The following TBC1D5 variants were observed in gnomAD, a reference collection of about 807,000 sequenced individuals.
The protein encoded by TBC1D5 is TBC1 domain family, member 5.
Under a neutral mutation model 100.3 loss-of-function variants are expected in TBC1D5, and 75 were observed. The observed-to-expected ratio is 0.75, with a 90% CI of 0.62 to 0.91. The LOEUF (loss-of-function observed/expected upper bound fraction) is 0.91, where lower values mean the gene tolerates loss of function less well. Ranked by LOEUF, TBC1D5 falls within the 40% of genes least tolerant of loss-of-function variation. TBC1D5 has a pLI of 0.00. For missense variants in TBC1D5, 910 were observed against 942.4 expected (o/e 0.97, Z 0.45); for synonymous variants, 323 against 325.6 (o/e 0.99, Z 0.09).
intron 2 of TBC1D5, among the ~76,000 whole-genome samples, chr3:17,589,006 ATAG>A (rs1317325458): frequency 2.6e-5 from 4 of 152,218 alleles, no homozygotes; most frequent in Non-Finnish European, 5.9e-5. Flanking sequence ...CACATTCCAC[ATAG>A]TAAACATAAA....
chr3:17,191,918 C>T (rs2069962140), intron 18 of TBC1D5, among the ~76,000 whole-genome samples: 1 of 152,010 alleles, frequency 6.6e-6, no homozygotes, highest in African/African-American at 2.4e-5. Flanking sequence ...GTCATCGCAC[C>T]CAACTTATGC....
At chr3:17,704,282 T>G (rs1290962672) in intron 1 of TBC1D5, among the ~76,000 whole-genome samples, 1 of 147,902 alleles carries the variant, frequency 6.8e-6, no homozygotes, top group Non-Finnish European at 1.5e-5. Flanking sequence ...GGAATTTTTC[T>G]TAGTGCAGAA....
intron 1 of TBC1D5, among the ~76,000 whole-genome samples, chr3:17,675,792 G>A (rs899083700): frequency 3.3e-5 from 5 of 151,994 alleles, no homozygotes; most frequent in Admixed American, 3.3e-4. Context: ...TTTGTCTGTG[G>A]ATATGACATG....
intron 3 of TBC1D5, among the ~76,000 whole-genome samples, chr3:17,472,088 AC>A (rs900892695): frequency 5.3e-5 from 8 of 152,006 alleles, no homozygotes; most frequent in African/African-American, 1.9e-4. Flanking sequence ...AAAATTCAAC[AC>A]TAATCTAGTA....
chr3:17,699,717 T>C (rs936667294), intron 1 of TBC1D5, among the ~76,000 whole-genome samples: 6 of 150,970 alleles, frequency 4.0e-5, no homozygotes, highest in African/African-American at 1.5e-4. Context: ...ATAGTTTTAA[T>C]TGTCCAATAA....
chr3:17,458,208 T>C (rs1180050021), intron 3 of TBC1D5, among the ~76,000 whole-genome samples: 1 of 152,122 alleles, frequency 6.6e-6, no homozygotes, highest in Non-Finnish European at 1.5e-5. Flanking sequence ...CTAGTATAGT[T>C]TTTATCACTG....
intron 1 of TBC1D5, among the ~76,000 whole-genome samples, chr3:17,636,508 T>C (rs888962698): frequency 5.3e-5 from 8 of 152,014 alleles, no homozygotes; most frequent in African/African-American, 1.9e-4. Flanking sequence ...TAAAAGAATA[T>C]AGGCTGGGCA....
intron 3 of TBC1D5, among the ~76,000 whole-genome samples, chr3:17,492,279 T>G (rs936815629): frequency 1.3e-5 from 2 of 152,182 alleles, no homozygotes; most frequent in Non-Finnish European, 2.9e-5. Flanking sequence ...TGTCTCTATC[T>G]CCTTCAGTCC....
Position 17,737,166 on chromosome 3 carries a change from G to A in TBC1D5, c.-101+2177C>T, listed in dbSNP as rs543911295. Among the ~76,000 whole-genome samples, 10 of 152,220 alleles carry A rather than the reference G, an allele frequency of 6.6e-5. No homozygotes were observed. The South Asian group carries it at 1.9e-3, about 28-fold the overall frequency. ...ATTCCAACTCCATCAGGTGGGAGCC[G>A]TTTTTCTCTGATGTATCTTCCCCAT... On this transcript the variant is annotated intron_variant, in intron 1 of 21. Transcript: ENST00000253692.
chr3:17,612,289 G>A (rs1346550981), intron 2 of TBC1D5, among the ~76,000 whole-genome samples: 2 of 129,592 alleles, frequency 1.5e-5, no homozygotes, highest in Non-Finnish European at 3.2e-5. Flanking sequence ...GACAGACTAA[G>A]ACACCGTCTC....
chr3:17,563,431 C>T (rs765262364), intron 2 of TBC1D5, among the ~76,000 whole-genome samples: 17 of 151,982 alleles, frequency 1.1e-4, no homozygotes, highest in Non-Finnish European at 2.4e-4. Context: ...TTGAGGAATA[C>T]AACACAATGA....
intron 9 of TBC1D5, among the ~76,000 whole-genome samples, chr3:17,382,564 T>G (rs2092989446): frequency 2.5e-5 from 1 of 39,446 alleles, no homozygotes; most frequent in Middle Eastern, 0.013. Context: ...CTTGAATAAC[T>G]TTTTTTTTTT....
chr3:17,317,317 A>C (rs1227893288), intron 13 of TBC1D5, among the ~76,000 whole-genome samples: 4 of 152,198 alleles, frequency 2.6e-5, no homozygotes, highest in Non-Finnish European at 5.9e-5. Context: ...ATGTATCTGC[A>C]TGGGGCCCAG....
chr3:17,721,563 A>G (rs763255642), intron 1 of TBC1D5, among the ~76,000 whole-genome samples: 3 of 152,032 alleles, frequency 2.0e-5, no homozygotes, highest in Admixed American at 6.6e-5. Context: ...TGCCTCTTTC[A>G]TAAGTGTCAT....
chr3:17,625,308 A>T (rs776280049), intron 1 of TBC1D5, among the ~76,000 whole-genome samples: 11 of 152,064 alleles, frequency 7.2e-5, no homozygotes, highest in Non-Finnish European at 1.3e-4. Flanking sequence ...ATATACATGT[A>T]AGTATGTAGG....
At chr3:17,376,735 A>G (rs2092726201) in intron 9 of TBC1D5, 122 bp from the exon 10 acceptor site, 1 of 644,856 alleles carries the variant, frequency 1.6e-6, no homozygotes, top group Non-Finnish European at 2.4e-6. Flanking sequence ...CACATTACAT[A>G]GAAACACATA....
At chr3:17,431,243 A>T (rs2094442842) in intron 3 of TBC1D5, among the ~76,000 whole-genome samples, 1 of 151,956 alleles carries the variant, frequency 6.6e-6, no homozygotes, top group African/African-American at 2.4e-5. Flanking sequence ...ACTGTAACAA[A>T]GATGCATCAT....
intron 18 of TBC1D5, among the ~76,000 whole-genome samples, chr3:17,202,588 A>T (rs1483395648): frequency 6.6e-6 from 1 of 152,238 alleles, no homozygotes; most frequent in Non-Finnish European, 1.5e-5. Context: ...ACAGGCCTAG[A>T]GGCCTAGGAG....
chr3:17,169,688 A>G (rs560747043), intron 19 of TBC1D5, among the ~76,000 whole-genome samples: 6 of 152,356 alleles, frequency 3.9e-5, no homozygotes, highest in African/African-American at 1.4e-4. Context: ...CTCTCAATAA[A>G]AAAAACAAAA....
Sources: gnomAD v4.1 joint callset for allele counts (sites outside exome capture counted in the v4.1 genomes callset) on GRCh38, gnomAD v4.1.1 for gene constraint, MANE v1.5 for transcripts, NCBI Gene and HGNC (gene_info 2026-07-23, HGNC 2026-07-21) for gene names.